The following CPEB3 variants were observed in gnomAD, a reference collection of about 807,000 sequenced individuals.
CPEB3 encodes cytoplasmic polyadenylation element binding protein 3.
A neutral mutation model predicts 67.2 loss-of-function variants in CPEB3; 20 were observed. The observed-to-expected ratio is 0.30, with a 90% CI of 0.21 to 0.43. The LOEUF is 0.43. Among genes scored for constraint, CPEB3 ranks in the 20% least tolerant of loss-of-function variants. The pLI is 1.00. For synonymous variants in CPEB3, 376 were observed against 393.1 expected (o/e 0.96, Z 0.51); for missense variants, 746 against 968.6 (o/e 0.77, Z 3.05).
intron 4 of CPEB3, among the ~76,000 whole-genome samples, chr10:92,158,946 T>C (rs1298170875): frequency 6.6e-6 from 1 of 152,178 alleles, no homozygotes; most frequent in Non-Finnish European, 1.5e-5. Context: ...TAAAAAATGA[T>C]TTAGAGCTTA....
chr10:92,142,960 C>T, intron 6 of CPEB3, 69 bp downstream of exon 6: 1 of 1,071,930 alleles, frequency 9.3e-7, no homozygotes, highest in Non-Finnish European at 1.4e-6. Flanking sequence ...AGTTAAAAGG[C>T]TGCCTTTTAT....
intron 1 of CPEB3, among the ~76,000 whole-genome samples, chr10:92,287,904 A>G (rs543442878): frequency 1.3e-5 from 2 of 152,252 alleles, no homozygotes; most frequent in South Asian, 2.1e-4. Flanking sequence ...CTTCAGCCCT[A>G]TGCAATCACT....
At chr10:92,238,636 A>T (rs1564896121) in intron 2 of CPEB3, among the ~76,000 whole-genome samples, 1 of 152,164 alleles carries the variant, frequency 6.6e-6, no homozygotes, top group Non-Finnish European at 1.5e-5. Flanking sequence ...GAAAAAAAAA[A>T]AAAAAATCCT....
chr10:92,258,208 T>A (rs1377963265), intron 1 of CPEB3, among the ~76,000 whole-genome samples: 1 of 151,742 alleles, frequency 6.6e-6, no homozygotes, highest in African/African-American at 2.4e-5. Flanking sequence ...CATGCAATTA[T>A]CCTGCCTCAG....
chr10:92,078,968 A>C (rs1180556777), intron 9 of CPEB3, among the ~76,000 whole-genome samples: 4 of 152,122 alleles, frequency 2.6e-5, no homozygotes, highest in African/African-American at 9.7e-5. Context: ...AGGCAAAGGG[A>C]AGGTAGAAAC....
chr10:92,209,590 G>A (rs7920742), intron 2 of CPEB3, among the ~76,000 whole-genome samples: 16,225 of 151,994 alleles, frequency 0.11, 2,876 homozygotes, highest in African/African-American at 0.37. Flanking sequence ...AAGAAGACTG[G>A]TAGTATGATT....
intron 7 of CPEB3, among the ~76,000 whole-genome samples, chr10:92,103,068 G>A (rs1844270419): frequency 6.6e-6 from 1 of 152,204 alleles, no homozygotes; most frequent in Admixed American, 6.5e-5. Context: ...CACAAAACAT[G>A]TCCAGCAGCT....
chr10:92,246,851 A>T (rs1178612542), intron 1 of CPEB3, among the ~76,000 whole-genome samples: 1 of 152,172 alleles, frequency 6.6e-6, no homozygotes, highest in Admixed American at 6.5e-5. Flanking sequence ...TTTTTAAGTT[A>T]TTCCTTTCAA....
intron 2 of CPEB3, among the ~76,000 whole-genome samples, chr10:92,217,206 CAAAAAA>C (rs1163974877): frequency 1.2e-4 from 3 of 25,450 alleles, no homozygotes; most frequent in African/African-American, 5.5e-4. Context: ...GACTCTGCCT[CAAAAAA>C]AAAAAAAAAA....
At chr10:92,118,738 T>A in intron 6 of CPEB3, 1 of 748,256 alleles carries the variant, frequency 1.3e-6, no homozygotes, top group Non-Finnish European at 2.5e-6. Flanking sequence ...GAAATGCTGT[T>A]CCTTTGGGAA....
intron 4 of CPEB3, among the ~76,000 whole-genome samples, chr10:92,146,405 A>G (rs1397420076): frequency 6.6e-6 from 1 of 152,038 alleles, no homozygotes; most frequent in African/African-American, 2.4e-5. Context: ...TTGGGGGAAA[A>G]AAGGAAAATT....
chr10:92,118,911 G>T (rs1845181803), intron 6 of CPEB3: 2 of 1,015,994 alleles, frequency 2.0e-6, no homozygotes, highest in Admixed American at 3.4e-5. Flanking sequence ...TCTCTTTTTG[G>T]CATGTCAGCC....
Position 92,191,417 on chromosome 10 carries a change from A to T in CPEB3, c.1165+1060T>A, listed in dbSNP as rs74907238. Among the ~76,000 whole-genome samples, 361 of 152,122 alleles carry T rather than the reference A, an allele frequency of 2.4e-3. 1 individual carries two copies. Among genetic ancestry groups the T allele is most frequent in the African/African-American group, 6.9e-3 (288 of 41,548 alleles). ...AATAAAAAAAATAAAAAATAAAAAAAAAATAAACTCACTTTCCCCAAAAAC... is the reference window on the plus strand; with the variant it reads ...AATAAAAAAAATAAAAAATAAAAAATAAATAAACTCACTTTCCCCAAAAAC... On this transcript the variant is annotated intron_variant, in intron 3 of 9. Transcript: ENST00000265997.
intron 2 of CPEB3, among the ~76,000 whole-genome samples, chr10:92,203,144 T>C: frequency 6.6e-6 from 1 of 151,272 alleles, no homozygotes; most frequent in East Asian, 1.9e-4. Context: ...GGTTTCACCG[T>C]GTTAGCCAGA....
At chr10:92,288,641 G>A (rs1842651536) in intron 1 of CPEB3, among the ~76,000 whole-genome samples, 1 of 152,164 alleles carries the variant, frequency 6.6e-6, no homozygotes, top group Non-Finnish European at 1.5e-5. Context: ...CAGCCAGAAA[G>A]CTGATTTTTC....
In CPEB3 at chr10:92,240,304, G is replaced by C. The variant is rs1160517573; in HGVS notation, c.47C>G (p.Pro16Arg). 2 of 1,510,074 alleles carry C rather than the reference G, an allele frequency of 1.3e-6. No individual in the cohort carries two copies. Among genetic ancestry groups the C allele is most frequent in the Non-Finnish European group, 1.8e-6 (2 of 1,128,854 alleles). 93.5% of individuals were successfully genotyped at this position (1,510,074 alleles called of 1,614,324 possible). ...LMDKSKTQPQPQQQQRQQQQP... is the reference protein window; with the variant it reads ...LMDKSKTQPQRQQQQRQQQQP... Reference sequence around the variant, plus strand: ...CTGCTGCTGCCGCTGCTGCTGCTGGGGCTGGGGCTGGGTTTTGCTTTTGTC... The same window carrying C: ...CTGCTGCTGCCGCTGCTGCTGCTGGCGCTGGGGCTGGGTTTTGCTTTTGTC... Residue 16 changes from proline to arginine, a missense_variant, in exon 2 of 10, where the codon CCC becomes CGC. Physicochemically the swap from Pro to Arg is moderately radical, Grantham distance 103 (BLOSUM62 -2). Coordinates refer to ENST00000265997, the MANE Select transcript of CPEB3 (RefSeq NM_014912.5).
chr10:92,166,981 G>A (rs1054672335), intron 4 of CPEB3, among the ~76,000 whole-genome samples: 1 of 152,184 alleles, frequency 6.6e-6, no homozygotes, highest in Non-Finnish European at 1.5e-5. Context: ...AGTACTTGTT[G>A]CTTCACCTTG....
chr10:92,217,234 A>AAAAAAATT (rs1404027771), intron 2 of CPEB3, among the ~76,000 whole-genome samples: 1 of 117,360 alleles, frequency 8.5e-6, no homozygotes, highest in African/African-American at 3.7e-5. Context: ...AAAAAAAAAA[A>AAAAAAATT]TTATATATAT....
At chr10:92,276,277 C>CTTTTT (rs769749643) in intron 1 of CPEB3, among the ~76,000 whole-genome samples, 282 of 108,116 alleles carry the variant, frequency 2.6e-3, no homozygotes, top group Middle Eastern at 0.011. Flanking sequence ...TTTTTCTTTT[C>CTTTTT]TTTTTTTTTT....
Sources: gnomAD v4.1 joint callset for allele counts (sites outside exome capture counted in the v4.1 genomes callset) on GRCh38, gnomAD v4.1.1 for gene constraint, MANE v1.5 for transcripts, NCBI Gene and HGNC (gene_info 2026-07-23, HGNC 2026-07-21) for gene names.